PIK3CG: variants seen among roughly 807,000 people sequenced by gnomAD.
PIK3CG encodes phosphatidylinositol 4,5-bisphosphate 3-kinase catalytic subunit gamma isoform.
In PIK3CG, 55 loss-of-function variants were observed where a neutral mutation model predicts 102.3. The observed-to-expected ratio is 0.54, with a 90% CI of 0.43 to 0.67. The LOEUF (loss-of-function observed/expected upper bound fraction) is 0.67, where lower values mean the gene tolerates loss of function less well. PIK3CG is among the 30% of genes least tolerant of loss of function. The probability of loss-of-function intolerance (pLI) is 0.00; values close to 1 mark genes in which losing one functional copy is unlikely to be tolerated. For synonymous variants in PIK3CG, 552 were observed against 540.0 expected (o/e 1.02, Z -0.31); for missense variants, 1,258 against 1,391.8 (o/e 0.90, Z 1.53).
rs978369383 is a variant in PIK3CG at position 106,883,570 on chromosome 7, A to T, written c.2760+407A>T. On this transcript the variant is annotated intron_variant, in intron 8 of 10. Coordinates refer to ENST00000496166, the MANE Select transcript of PIK3CG (RefSeq NM_001282426.2). The surrounding 1 kb of genome is among the most constrained non-coding windows in gnomAD (Gnocchi z 5.8). ...AATTTATAATTTACTGCTGAACTCTAATCTAAATGGTAAATCATGGATGCT... is the reference window on the plus strand; with the variant it reads ...AATTTATAATTTACTGCTGAACTCTTATCTAAATGGTAAATCATGGATGCT... Among the ~76,000 whole-genome samples, 1 of 152,196 alleles carries T rather than the reference A, an allele frequency of 6.6e-6. No homozygotes were observed. Among genetic ancestry groups the T allele is most frequent in the African/African-American group, 2.4e-5 (1 of 41,446 alleles).
In PIK3CG at chr7:106,869,451, C is replaced by T. The variant is rs1790456008; in HGVS notation, c.1890C>T (p.Leu630=). The change falls in exon 2 of 11, where the codon CTC becomes CTT. Residue 630 remains leucine, a synonymous_variant. Transcript: ENST00000496166. This position sits in a 1 kb window ranked among gnomAD's most constrained non-coding sequence, Gnocchi z 5.3. ...SALDVGLTMQ[L]LDCNFSDENV... Reference sequence around the variant, plus strand: ...TGGATGTTGGGTTAACAATGCAGCTCCTGGACTGCAACTTCTCAGATGAAA... The same window carrying T: ...TGGATGTTGGGTTAACAATGCAGCTTCTGGACTGCAACTTCTCAGATGAAA... 3 of 1,614,214 alleles carry T rather than the reference C, an allele frequency of 1.9e-6. No homozygotes were observed. Among genetic ancestry groups the T allele is most frequent in the Non-Finnish European group, 2.5e-6 (3 of 1,180,034 alleles).
rs1408463296 is a variant in PIK3CG at position 106,892,982 on chromosome 7, G to A, written c.3030+6690G>A. Among the ~76,000 whole-genome samples, 1 of 152,174 alleles carries A rather than the reference G, an allele frequency of 6.6e-6. No individual in the cohort carries two copies. The highest frequency in any genetic ancestry group is 1.5e-5 in the Non-Finnish European group (1 of 68,018). On this transcript the variant is annotated intron_variant, in intron 10 of 10. Coordinates refer to ENST00000496166, the MANE Select transcript of PIK3CG (RefSeq NM_001282426.2). The surrounding 1 kb of genome is among the most constrained non-coding windows in gnomAD (Gnocchi z 5.2). ...TTTCTGGAAGTGTGTAGTAGAATTT[G>A]AGTCAAGAAAGGAAATTTGGGTCCA...
intron 10 of PIK3CG, among the ~76,000 whole-genome samples, chr7:106,904,686 T>C (rs909669655): frequency 1.3e-5 from 2 of 152,232 alleles, no homozygotes; most frequent in Non-Finnish European, 2.9e-5. Context: ...CTCAAACACA[T>C]TTCCATCAGT....
intron 10 of PIK3CG, among the ~76,000 whole-genome samples, chr7:106,889,859 A>G (rs1017505631): frequency 2.6e-5 from 4 of 152,214 alleles, no homozygotes; most frequent in African/African-American, 9.7e-5. Context: ...CTATAATTAG[A>G]TAGAGAAACA....
chr7:106,884,014 T>C lies in PIK3CG; in HGVS notation c.2761-141T>C. ...AATGAGAAAGTTGGCAATTCATAGA[T>C]ATAATGCTAATGAAATCAGGCACAA... On this transcript the variant is annotated intron_variant, in intron 8 of 10. Transcript: ENST00000496166. This position sits in a 1 kb window ranked among gnomAD's most constrained non-coding sequence, Gnocchi z 4.2. 3.0e-6 allele frequency: 2 copies of C among 660,146 alleles called. No homozygotes were observed. Among genetic ancestry groups the C allele is most frequent in the South Asian group, 1.9e-5 (1 of 52,832 alleles). The allele number at this position is 660,146 out of a possible 1,614,324, so 40.9% of individuals were successfully genotyped here.
chr7:106,872,690 A>T lies in PIK3CG; in HGVS notation c.2062-23A>T, dbSNP rs777670716. ...CTAAAGCATTAGTCATAATAATTTCAACTTTCTTGTACCTGCCCTCAGAAC... is the reference window on the plus strand; with the variant it reads ...CTAAAGCATTAGTCATAATAATTTCTACTTTCTTGTACCTGCCCTCAGAAC... On this transcript the variant is annotated intron_variant, in intron 3 of 10. Coordinates refer to ENST00000496166, the MANE Select transcript of PIK3CG (RefSeq NM_001282426.2). The surrounding 1 kb of genome is among the most constrained non-coding windows in gnomAD (Gnocchi z 5.3). 9 of 1,607,806 alleles carry T rather than the reference A, an allele frequency of 5.6e-6. No individual in the cohort carries two copies. The African/African-American group carries it at 1.2e-4, about 21-fold the overall frequency.
intron 10 of PIK3CG, among the ~76,000 whole-genome samples, chr7:106,904,872 C>G (rs925167692): frequency 1.3e-5 from 2 of 152,134 alleles, no homozygotes; most frequent in Admixed American, 1.3e-4. Context: ...TAAGCTGAAA[C>G]TTGTCTGTAT....
rs1344330408 is a variant in PIK3CG at position 106,879,332 on chromosome 7, C to G, written c.2392-187C>G. On this transcript the variant is annotated intron_variant, in intron 5 of 10. Coordinates refer to ENST00000496166, the MANE Select transcript of PIK3CG (RefSeq NM_001282426.2). The surrounding 1 kb of genome is among the most constrained non-coding windows in gnomAD (Gnocchi z 4.9). ...CACTGGTTTAAGAGTTGTGAATTCG[C>G]TCTCACATGGCATTTCCAGATTTGC... Among the ~76,000 whole-genome samples, 2 of 152,150 alleles carry G rather than the reference C, an allele frequency of 1.3e-5. No homozygotes were observed.
chr7:106,900,611 G>A (rs959365014), intron 10 of PIK3CG, among the ~76,000 whole-genome samples: 3 of 152,124 alleles, frequency 2.0e-5, no homozygotes, highest in Non-Finnish European at 2.9e-5. Context: ...GCTATTAGCC[G>A]GTTACTATGT....
intron 10 of PIK3CG, among the ~76,000 whole-genome samples, chr7:106,898,177 C>G (rs1791456807): frequency 6.6e-6 from 1 of 152,138 alleles, no homozygotes; most frequent in South Asian, 2.1e-4. Flanking sequence ...GCATGTATGT[C>G]TTCTTTTGAG....
In PIK3CG at chr7:106,874,743, T is replaced by C. The variant is rs1386446760; in HGVS notation, c.2331T>C (p.Ser777=). 1.2e-6 allele frequency: 2 copies of C among 1,614,102 alleles called. No homozygotes were observed. The highest frequency in any genetic ancestry group is 1.7e-6 in the Non-Finnish European group (2 of 1,179,960). Residue 777 remains serine, a synonymous_variant, in exon 5 of 11, where the codon TCT becomes TCC. Transcript: ENST00000496166. This position sits in a 1 kb window ranked among gnomAD's most constrained non-coding sequence, Gnocchi z 4.3. ...LKQKLENLQN[S]QLPESFRVPY... is the part of the protein sequence containing the mutation. ...AAAAGCTTGAAAACCTGCAGAATTC[T>C]CAACTCCCCGAAAGCTTTAGAGTTC...
In PIK3CG at chr7:106,907,398, C is replaced by G. The variant is rs2116624951; in HGVS notation, c.*2011C>G. The stretch of plus-strand genomic sequence containing the variant: ...TAAAATCACACTCTACCCACCTGTA[C>G]AGAAGACCATGCCCTATAATGAAAT... On this transcript the variant is annotated 3_prime_UTR_variant, in exon 11 of 11. Coordinates refer to ENST00000496166, the MANE Select transcript of PIK3CG (RefSeq NM_001282426.2). 6.6e-6 allele frequency among the ~76,000 whole-genome samples: 1 copy of G among 152,256 alleles called. No individual in the cohort carries two copies. The highest frequency in any genetic ancestry group is 6.5e-5 in the Admixed American group (1 of 15,288).
At chr7:106,886,471 G>A (rs182613397) in intron 10 of PIK3CG, among the ~76,000 whole-genome samples, 179 bp downstream of exon 10, 2 of 152,158 alleles carry the variant, frequency 1.3e-5, no homozygotes, top group African/African-American at 4.8e-5. Context: ...TTTCCCAGGT[G>A]CAAAATGACA....
chr7:106,868,686 GA>G lies in PIK3CG; in HGVS notation c.1127del (p.Asn376ThrfsTer8), dbSNP rs1790414902. 6.2e-7 allele frequency: 1 copy of G among 1,614,226 alleles called. No individual in the cohort carries two copies. Among genetic ancestry groups the G allele is most frequent in the Non-Finnish European group, 8.5e-7 (1 of 1,180,044 alleles). On this transcript the variant is annotated frameshift_variant, in exon 2 of 11. Transcript: ENST00000496166. LOFTEE classifies it high-confidence loss of function. This position sits in a 1 kb window ranked among gnomAD's most constrained non-coding sequence, Gnocchi z 6.2. The stretch of plus-strand genomic sequence containing the variant: ...GCATTGATATCCCCGTCCTGCCTCG[GA>G]ACACCGACCTCACAGTTTTTGTAGA... ...RGIDIPVLPR[N>X]TDLTVFVEAN...
chr7:106,884,406 A>G lies in PIK3CG; in HGVS notation c.2872+140A>G, dbSNP rs1791025923. 4 of 628,580 alleles carry G rather than the reference A, an allele frequency of 6.4e-6. 1 individual carries two copies. In the Admixed American group the frequency reaches 1.1e-4, roughly 17 times the overall value. The allele number at this position is 628,580 out of a possible 1,614,324, so 38.9% of individuals were successfully genotyped here. On this transcript the variant is annotated intron_variant, in intron 9 of 10. Transcript: ENST00000496166. This position sits in a 1 kb window ranked among gnomAD's most constrained non-coding sequence, Gnocchi z 4.2. ...TTCACCTTGTTGTACAACCATCATC[A>G]CCATTCATCCCCAGAATTTTTCCAT...
chr7:106,868,313 A>G lies in PIK3CG; in HGVS notation c.752A>G (p.Lys251Arg), dbSNP rs2116436760. The G allele has an allele frequency of 1.2e-6, 2 of 1,614,240 alleles. No homozygotes were observed. The highest frequency in any genetic ancestry group is 1.7e-6 in the Non-Finnish European group (2 of 1,180,050). The change falls in exon 2 of 11, where the codon AAG becomes AGG. Residue 251 changes from lysine (K) to arginine (R), a missense_variant. Transcript: ENST00000496166. The surrounding 1 kb of genome is among the most constrained non-coding windows in gnomAD (Gnocchi z 6.2). ...PGAILQSFFT[K>R]MAKKKSLMDI... ...GCCATCCTGCAGAGCTTCTTCACCA[A>G]GATGGCCAAGAAGAAATCTCTGATG...
At chr7:106,873,034 G>A in intron 4 of PIK3CG, 96 bp downstream of exon 4, 1 of 912,518 alleles carries the variant, frequency 1.1e-6, no homozygotes, top group South Asian at 1.6e-5. Context: ...AATCCAAGTT[G>A]CATCCTCCTG....
rs57970232 is a variant in PIK3CG, at chr7:106,877,612, C to CTGTTTTGTTTTGTTTTGTTTTGTTT, written c.2392-1900_2392-1876dup. Among the ~76,000 whole-genome samples, 56 of 150,556 alleles carry CTGTTTTGTTTTGTTTTGTTTTGTTT rather than the reference C, an allele frequency of 3.7e-4. No individual in the cohort carries two copies. In the East Asian group the frequency reaches 0.011, roughly 30 times the overall value. On this transcript the variant is annotated intron_variant, in intron 5 of 10. Coordinates refer to ENST00000496166, the MANE Select transcript of PIK3CG (RefSeq NM_001282426.2). This position sits in a 1 kb window ranked among gnomAD's most constrained non-coding sequence, Gnocchi z 4.5. ...TTTTCAGCACCATGTGTTGAAAAGA[C>CTGTTTTGTTTTGTTTTGTTTTGTTT]TGTTTTGTTTTGTTTTGTTTTGTTT...
rs1790663568 is a variant in PIK3CG, at chr7:106,874,749, C to T, written c.2337C>T (p.Leu779=). Residue 779 remains leucine, a synonymous_variant, in exon 5 of 11, where the codon CTC becomes CTT. Transcript: ENST00000496166. The surrounding 1 kb of genome is among the most constrained non-coding windows in gnomAD (Gnocchi z 4.3). ...TTGAAAACCTGCAGAATTCTCAACT[C>T]CCCGAAAGCTTTAGAGTTCCATATG... ...QKLENLQNSQ[L]PESFRVPYDP... The T allele has an allele frequency of 1.9e-6, 3 of 1,614,032 alleles. No individual in the cohort carries two copies. The highest frequency in any genetic ancestry group is 1.1e-5 in the South Asian group (1 of 91,068).
Sources: allele counts gnomAD v4.1 joint callset (sites outside exome capture counted in the v4.1 genomes callset), GRCh38; gene constraint gnomAD v4.1.1; non-coding constraint Gnocchi (gnomAD v3.1); transcripts MANE v1.5; gene names NCBI Gene and HGNC (gene_info 2026-07-23, HGNC 2026-07-21).